NANP: variants seen among roughly 807,000 people sequenced by gnomAD.
NANP encodes the protein N-acylneuraminate-9-phosphatase.
A neutral mutation model predicts 16.9 loss-of-function variants in NANP; 15 were observed. That is an observed-to-expected ratio of 0.89 (90% CI 0.59 to 1.37). The LOEUF (loss-of-function observed/expected upper bound fraction) is 1.37, where lower values mean the gene tolerates loss of function less well. Ranked by LOEUF, NANP falls within the 40% of genes most tolerant of loss-of-function variation. The pLI, the probability that NANP is intolerant of heterozygous loss-of-function variation, is 0.00. For missense variants in NANP, 290 were observed against 303.5 expected, an observed-to-expected ratio of 0.96 and a Z score of 0.33; for synonymous variants, 135 against 112.6, an observed-to-expected ratio of 1.20 and a Z score of -1.26.
At chr20:25,623,793 G>A (rs2065378360) in intron 1 of NANP, 66 bp downstream of exon 1, 10 of 1,440,390 alleles carry the variant, frequency 6.9e-6, no homozygotes, top group Non-Finnish European at 9.5e-6. Flanking sequence ...AAGGGGAGGT[G>A]AGCGTGCAGG....
chr20:25,618,175 A>G (rs1217261980), intron 1 of NANP, among the ~76,000 whole-genome samples: 2 of 125,870 alleles, frequency 1.6e-5, no homozygotes, highest in East Asian at 5.4e-4. Flanking sequence ...AATATAATAT[A>G]CAACCACTAC....
intron 1 of NANP, among the ~76,000 whole-genome samples, chr20:25,621,845 G>A (rs1211741980): frequency 6.7e-6 from 1 of 149,704 alleles, no homozygotes; most frequent in African/African-American, 2.5e-5. Flanking sequence ...GAGCCACCGC[G>A]CCCGGCCCAT....
Position 25,614,057 on chromosome 20 carries a change from C to T in NANP, c.*1868G>A, listed in dbSNP as rs764816258. 2.1e-5 allele frequency: 8 copies of T among 385,874 alleles called. No individual in the cohort carries two copies. The highest frequency in any genetic ancestry group is 2.7e-5 in the Non-Finnish European group (6 of 218,506). 23.9% of individuals were successfully genotyped at this position (385,874 alleles called of 1,614,324 possible). ...TTTGAAACTACAAACATCCTCTGTT[C>T]ACAAATGTTCACTGTTATAGCAACA... On this transcript the variant is annotated 3_prime_UTR_variant, in exon 2 of 2. Coordinates refer to ENST00000304788, the MANE Select transcript of NANP (RefSeq NM_152667.3).
Position 25,615,729 on chromosome 20 carries a change from A to G in NANP, c.*196T>C. 5.4e-6 allele frequency: 3 copies of G among 551,548 alleles called. No individual in the cohort carries two copies. The South Asian group carries it at 9.0e-5, about 16-fold the overall frequency. 34.2% of individuals were successfully genotyped at this position (551,548 alleles called of 1,614,324 possible). ...GAATTCATGCAATCTGAATTTTCAG[A>G]TATAAGTACCACTCAATGGTTGGTT... On this transcript the variant is annotated 3_prime_UTR_variant, in exon 2 of 2. Coordinates refer to ENST00000304788, the MANE Select transcript of NANP (RefSeq NM_152667.3).
intron 1 of NANP, among the ~76,000 whole-genome samples, chr20:25,617,472 A>G (rs758925655): frequency 2.0e-4 from 31 of 151,962 alleles, no homozygotes; most frequent in Non-Finnish European, 4.1e-4. Flanking sequence ...TCGGCCTCCA[A>G]ATTACTAGGA....
chr20:25,615,802 CCATTAAATCATAA>C lies in NANP; in HGVS notation c.*110_*122del. On this transcript the variant is annotated 3_prime_UTR_variant, in exon 2 of 2. Coordinates refer to ENST00000304788, the MANE Select transcript of NANP (RefSeq NM_152667.3). ...GTTGGGAAGACCTTCAAAATATTGG[CCATTAAATCATAA>C]GTAAAATTATTCTTAGAGCTGGATT... The C allele has an allele frequency of 1.0e-6, 1 of 971,640 alleles. No homozygotes were observed. The highest frequency in any genetic ancestry group is 1.5e-6 in the Non-Finnish European group (1 of 668,458). 60.2% of individuals were successfully genotyped at this position (971,640 alleles called of 1,614,324 possible).
intron 1 of NANP, among the ~76,000 whole-genome samples, chr20:25,619,340 T>C (rs1235217441): frequency 7.2e-5 from 11 of 152,014 alleles, no homozygotes; most frequent in African/African-American, 2.7e-4. Context: ...AGGATTGTCT[T>C]TAACTCCTAG....
rs1016023752 is a variant in NANP at position 25,622,966 on chromosome 20, G to A, written c.90+893C>T. 2.6e-5 allele frequency among the ~76,000 whole-genome samples: 4 copies of A among 152,170 alleles called. No individual in the cohort carries two copies. In the East Asian group the frequency reaches 5.8e-4, roughly 22 times the overall value. ...AACTATAGGGCAAACATGAATATGCGGCAGGAGTGGAATGCAGCTAAAAAG... is the reference window on the plus strand; with the variant it reads ...AACTATAGGGCAAACATGAATATGCAGCAGGAGTGGAATGCAGCTAAAAAG... On this transcript the variant is annotated intron_variant, in intron 1 of 1. Transcript: ENST00000304788.
At position 25,616,108 on chromosome 20, in the gene NANP, A is replaced by G; in HGVS notation, c.564T>C (p.Gly188=). 6.2e-7 allele frequency: 1 copy of G among 1,614,128 alleles called. No individual in the cohort carries two copies. Among genetic ancestry groups the G allele is most frequent in the Non-Finnish European group, 8.5e-7 (1 of 1,180,030 alleles). Residue 188 remains glycine (G), a synonymous_variant, in exon 2 of 2, where the codon GGT becomes GGC. Transcript: ENST00000304788. Reference sequence around the variant, plus strand: ...CTTGGATGTCGGTTTCTAATGTGTCACCGACCATCACACAGTCCCCAGGTT... The same window carrying G: ...CTTGGATGTCGGTTTCTAATGTGTCGCCGACCATCACACAGTCCCCAGGTT... ...GVQPGDCVMV[G]DTLETDIQGG... is the part of the protein sequence containing the mutation.
At chr20:25,616,769 A>G (rs867222192) in intron 1 of NANP, among the ~76,000 whole-genome samples, 188 bp from the exon 2 acceptor site, 1 of 152,210 alleles carries the variant, frequency 6.6e-6, no homozygotes, top group Non-Finnish European at 1.5e-5. Context: ...GGCTCTCCCA[A>G]CTGCTCTAGA....
At chr20:25,618,999 G>T (rs1251053001) in intron 1 of NANP, among the ~76,000 whole-genome samples, 1 of 152,018 alleles carries the variant, frequency 6.6e-6, no homozygotes, top group Non-Finnish European at 1.5e-5. Context: ...TATATCTGTT[G>T]TAATGGGACT....
At chr20:25,617,641 C>T (rs1291294905) in intron 1 of NANP, among the ~76,000 whole-genome samples, 1 of 152,010 alleles carries the variant, frequency 6.6e-6, no homozygotes, top group Admixed American at 6.6e-5. Context: ...TTCAGCCTCC[C>T]GCGTAGGTGA....
At chr20:25,617,094 A>C (rs1474135102) in intron 1 of NANP, among the ~76,000 whole-genome samples, 2 of 152,250 alleles carry the variant, frequency 1.3e-5, no homozygotes, top group African/African-American at 4.8e-5. Context: ...TCTGACAACC[A>C]CTATTTAGAC....
intron 1 of NANP, among the ~76,000 whole-genome samples, chr20:25,620,216 G>T (rs2065359066): frequency 6.6e-6 from 1 of 152,166 alleles, no homozygotes; most frequent in Admixed American, 6.5e-5. Flanking sequence ...TGAATTGGAG[G>T]TGAAGGAAAA....
At chr20:25,616,716 T>C (rs944626909) in intron 1 of NANP, 135 bp from the exon 2 acceptor site, 3 of 680,474 alleles carry the variant, frequency 4.4e-6, no homozygotes, top group Non-Finnish European at 7.1e-6. Flanking sequence ...AACTACACCG[T>C]TTCTGGTGGG....
chr20:25,623,588 G>T (rs888745033), intron 1 of NANP, among the ~76,000 whole-genome samples: 38 of 152,168 alleles, frequency 2.5e-4, no homozygotes, highest in African/African-American at 9.2e-4. Flanking sequence ...AGCCGTCACG[G>T]AGCCCTTCCG....
In NANP at chr20:25,613,670, G is replaced by C. The variant is rs2065330880; in HGVS notation, c.*2255C>G. 2.5e-6 allele frequency: 1 copy of C among 397,228 alleles called. No homozygotes were observed. Among genetic ancestry groups the C allele is most frequent in the African/African-American group, 2.1e-5 (1 of 48,554 alleles). The allele number at this position is 397,228 out of a possible 1,614,324, so 24.6% of individuals were successfully genotyped here. On this transcript the variant is annotated 3_prime_UTR_variant, in exon 2 of 2. Coordinates refer to ENST00000304788, the MANE Select transcript of NANP (RefSeq NM_152667.3). ...ACCACAAAGTTCTTCCCTAAGGAAG[G>C]GTGCAAATGGAATGTAATACATTAC...
rs769721416 is a variant in NANP at position 25,623,846 on chromosome 20, G to C, written c.90+13C>G. The C allele has an allele frequency of 6.2e-7, 1 of 1,611,642 alleles. No homozygotes were observed. The highest frequency in any genetic ancestry group is 8.5e-7 in the Non-Finnish European group (1 of 1,178,888). ...GACCCCGCCCAGAGGAGCGCCATGG[G>C]TGGGGACGTTACCTCCAACATGCCT... On this transcript the variant is annotated intron_variant, in intron 1 of 1. Transcript: ENST00000304788.
intron 1 of NANP, among the ~76,000 whole-genome samples, chr20:25,619,068 C>T (rs1056890635): frequency 1.3e-5 from 2 of 151,518 alleles, no homozygotes; most frequent in Admixed American, 6.6e-5. Context: ...GAGAGAGGAA[C>T]GCATGTGTTT....
Sources: allele counts gnomAD v4.1 joint callset (sites outside exome capture counted in the v4.1 genomes callset), GRCh38; gene constraint gnomAD v4.1.1; transcripts MANE v1.5; gene names NCBI Gene and HGNC (gene_info 2026-07-23, HGNC 2026-07-21).